Variants in CDK8 observed in about 807,000 individuals in gnomAD.
CDK8 encodes the protein cyclin-dependent kinase 8.
A neutral mutation model predicts 71.5 loss-of-function variants in CDK8; 29 were observed. The observed-to-expected ratio is 0.41, with a 90% CI of 0.30 to 0.55. The LOEUF (loss-of-function observed/expected upper bound fraction) is 0.55. Among genes scored for constraint, CDK8 ranks in the 20% least tolerant of loss-of-function variants. CDK8 has a pLI of 0.37. For missense variants in CDK8, 288 were observed against 572.6 expected (o/e 0.50, Z 5.07); for synonymous variants, 161 against 192.1 (o/e 0.84, Z 1.34).
Position 26,403,969 on chromosome 13 carries a change from A to G in CDK8, c.1283A>G (p.His428Arg), listed in dbSNP as rs1324063036. The G allele has an allele frequency of 1.9e-6, 3 of 1,612,764 alleles. No individual in the cohort carries two copies. Among genetic ancestry groups the G allele is most frequent in the African/African-American group, 1.3e-5 (1 of 74,904 alleles). The change falls in exon 13 of 13, where the codon CAT (histidine) becomes CGT (arginine). Residue 428 changes from histidine (H) to arginine (R), a missense_variant. His to Arg is a conservative substitution (Grantham distance 29). Around this residue, in one of 6 missense-constraint regions of CDK8, gnomAD observed 76 missense variants for 99.7 expected, o/e 0.76. Transcript: ENST00000381527. ...TCTCCTTTCCAGCGTTCCAATCCAC[A>G]TGCTGCCTATCCCAACCCTGGACCA... The part of the protein sequence containing the change: ...MTSDYQRSNP[H>R]AAYPNPGPST...
chr13:26,399,887 T>C (rs1425140769), intron 9 of CDK8, among the ~76,000 whole-genome samples: 1 of 152,266 alleles, frequency 6.6e-6, no homozygotes, highest in African/African-American at 2.4e-5. Flanking sequence ...CACAGCTCTG[T>C]ACTTTGTAAG....
chr13:26,345,484 C>T (rs1450439504), intron 2 of CDK8, among the ~76,000 whole-genome samples: 5 of 152,070 alleles, frequency 3.3e-5, no homozygotes, highest in Non-Finnish European at 7.4e-5. Context: ...CAGGCTCAAG[C>T]GATTCTCCTG....
intron 3 of CDK8, among the ~76,000 whole-genome samples, chr13:26,351,752 AAAAC>A (rs1283163685): frequency 1.3e-5 from 2 of 152,206 alleles, no homozygotes; most frequent in Non-Finnish European, 2.9e-5. Flanking sequence ...ATTTTCATAA[AAAAC>A]AAATGATAAT....
chr13:26,365,653 G>A (rs906657335), intron 4 of CDK8, among the ~76,000 whole-genome samples: 5 of 151,924 alleles, frequency 3.3e-5, no homozygotes, highest in African/African-American at 1.2e-4. Context: ...GGTTATCTGA[G>A]TTTTTCTCCA....
chr13:26,330,668 C>T (rs1593267988), intron 1 of CDK8, among the ~76,000 whole-genome samples: 2 of 152,078 alleles, frequency 1.3e-5, no homozygotes, highest in East Asian at 1.9e-4. Context: ...TAAGTGAGAA[C>T]GTGCAATATT....
chr13:26,382,662 T>C (rs531179310), intron 4 of CDK8, 152 bp from the exon 5 acceptor site: 202 of 542,568 alleles, frequency 3.7e-4, no homozygotes, highest in Admixed American at 1.4e-3. Context: ...CATATATACA[T>C]GCACAGTTTC....
At chr13:26,387,352 A>G (rs561085789) in intron 6 of CDK8, among the ~76,000 whole-genome samples, 1 of 152,234 alleles carries the variant, frequency 6.6e-6, no homozygotes, top group East Asian at 1.9e-4. Flanking sequence ...GTCTCTTTGT[A>G]TTTAAAAATC....
intron 1 of CDK8, among the ~76,000 whole-genome samples, chr13:26,300,668 G>T (rs1873783183): frequency 1.3e-5 from 2 of 152,124 alleles, no homozygotes; most frequent in African/African-American, 4.8e-5. Context: ...TTAGATTAGA[G>T]TAGATACAGG....
chr13:26,357,425 A>G, intron 4 of CDK8, among the ~76,000 whole-genome samples: 1 of 152,330 alleles, frequency 6.6e-6, no homozygotes, highest in Non-Finnish European at 1.5e-5. Context: ...GTTGTTGCTT[A>G]TACACTTGTC....
intron 4 of CDK8, among the ~76,000 whole-genome samples, chr13:26,356,678 G>A (rs776157177): frequency 9.9e-5 from 15 of 152,118 alleles, no homozygotes; most frequent in Non-Finnish European, 2.1e-4. Flanking sequence ...TATAGTGTTT[G>A]AACAATAGCT....
intron 1 of CDK8, among the ~76,000 whole-genome samples, chr13:26,268,473 A>G (rs755967369): frequency 3.3e-5 from 5 of 152,052 alleles, no homozygotes; most frequent in Non-Finnish European, 7.4e-5. Flanking sequence ...GTGTCACCAC[A>G]TCTGGCTAAT....
At chr13:26,327,061 G>C (rs1875054280) in intron 1 of CDK8, among the ~76,000 whole-genome samples, 1 of 152,028 alleles carries the variant, frequency 6.6e-6, no homozygotes, top group Non-Finnish European at 1.5e-5. Flanking sequence ...TGATTAATAA[G>C]GATACTGAAA....
At chr13:26,258,517 G>A (rs777534917) in intron 1 of CDK8, among the ~76,000 whole-genome samples, 1 of 151,368 alleles carries the variant, frequency 6.6e-6, no homozygotes, top group Non-Finnish European at 1.5e-5. Flanking sequence ...GTGTGTGTAG[G>A]ACTAAACTCT....
intron 2 of CDK8, among the ~76,000 whole-genome samples, chr13:26,348,610 T>C (rs984424831): frequency 1.3e-5 from 2 of 152,050 alleles, no homozygotes; most frequent in Non-Finnish European, 2.9e-5. Context: ...GGAAAATTTG[T>C]CTTCCTCAAA....
intron 1 of CDK8, among the ~76,000 whole-genome samples, chr13:26,312,811 G>T (rs1025501983): frequency 6.6e-6 from 1 of 152,190 alleles, no homozygotes; most frequent in South Asian, 2.1e-4. Context: ...TATGTTTCCG[G>T]AGTGTGTGCA....
At chr13:26,272,021 A>T (rs1872350050) in intron 1 of CDK8, among the ~76,000 whole-genome samples, 2 of 151,744 alleles carry the variant, frequency 1.3e-5, no homozygotes, top group African/African-American at 4.8e-5. Context: ...AAATTTATTT[A>T]AATTTTTTTC....
chr13:26,314,875 T>TTA (rs1269125245), intron 1 of CDK8, among the ~76,000 whole-genome samples: 4 of 152,232 alleles, frequency 2.6e-5, no homozygotes, highest in Admixed American at 1.3e-4. Context: ...CTGTATGGTC[T>TTA]TTTATACAAT....
Position 26,355,648 on chromosome 13 carries a change from T to C in CDK8, c.456+1768T>C, listed in dbSNP as rs116284263. Among the ~76,000 whole-genome samples, 1,001 of 152,214 alleles carry C rather than the reference T, an allele frequency of 6.6e-3. 10 individuals are homozygous for C. Among genetic ancestry groups the C allele is most frequent in the African/African-American group, 0.021 (867 of 41,542 alleles). On this transcript the variant is annotated intron_variant, in intron 4 of 12. Coordinates refer to ENST00000381527, the MANE Select transcript of CDK8 (RefSeq NM_001260.3). ...AAAGAAAACAAAAAATAGATTTACA[T>C]AACAGAAATAAGACAAATCCTTTGG... is the stretch of plus-strand genomic sequence containing the variant.
chr13:26,267,365 C>G (rs1488613093), intron 1 of CDK8, among the ~76,000 whole-genome samples: 1 of 152,146 alleles, frequency 6.6e-6, no homozygotes, highest in African/African-American at 2.4e-5. Context: ...TTAATATAGT[C>G]TCATGATAAA....
Sources: gnomAD v4.1 joint callset for allele counts (sites outside exome capture counted in the v4.1 genomes callset) on GRCh38, gnomAD v4.1.1 for gene constraint, gnomAD v4.1.1 regional missense constraint, MANE v1.5 for transcripts, NCBI Gene and HGNC (gene_info 2026-07-23, HGNC 2026-07-21) for gene names.